ANTXRL: variants seen among roughly 807,000 people sequenced by gnomAD.
ANTXRL encodes ANTXR like.
In ANTXRL, 63 loss-of-function variants were observed where a neutral mutation model predicts 75.4. The ratio of observed to expected loss-of-function variants is 0.84; its 90% CI spans 0.68 to 1.03. ANTXRL has a LOEUF of 1.03. Among genes scored for constraint, ANTXRL ranks in the 50% least tolerant of loss-of-function variants. The probability of loss-of-function intolerance (pLI) is 0.00; values close to 1 mark genes in which losing one functional copy is unlikely to be tolerated. For synonymous variants in ANTXRL, 335 were observed against 291.3 expected (o/e 1.15, Z -1.53); for missense variants, 797 against 789.4 (o/e 1.01, Z -0.12).
At chr10:46,300,355 C>A (rs181787361) in intron 9 of ANTXRL, among the ~76,000 whole-genome samples, 83 of 152,234 alleles carry the variant, frequency 5.5e-4, no homozygotes, top group African/African-American at 1.9e-3. Context: ...CCAGGGAGCC[C>A]AGGAAGGAGG....
At chr10:46,302,379 C>T (rs1410965844) in intron 9 of ANTXRL, among the ~76,000 whole-genome samples, 3 of 152,154 alleles carry the variant, frequency 2.0e-5, no homozygotes, top group Non-Finnish European at 4.4e-5. Context: ...GCACGGCCTG[C>T]ACACCTGGGG....
At chr10:46,316,235 C>T (rs532988297) in intron 16 of ANTXRL, among the ~76,000 whole-genome samples, 2 of 152,190 alleles carry the variant, frequency 1.3e-5, no homozygotes, top group East Asian at 3.9e-4. Context: ...GCAGGAGGCC[C>T]TTTAGAAACT....
At chr10:46,301,017 GA>G (rs5784717) in intron 9 of ANTXRL, among the ~76,000 whole-genome samples, 48,558 of 145,120 alleles carry the variant, frequency 0.33, 8,006 homozygotes, top group African/African-American at 0.49. Flanking sequence ...CATCCACCTT[GA>G]AAAAAAAAAA....
At chr10:46,320,951 G>T (rs782370671) in intron 16 of ANTXRL, among the ~76,000 whole-genome samples, 21 of 152,128 alleles carry the variant, frequency 1.4e-4, no homozygotes, top group Non-Finnish European at 1.5e-4. Flanking sequence ...ACCTTTTGCA[G>T]GTATCACTTG....
At chr10:46,323,074 A>G (rs1183682183) in intron 16 of ANTXRL, among the ~76,000 whole-genome samples, 1 of 152,152 alleles carries the variant, frequency 6.6e-6, no homozygotes, top group Non-Finnish European at 1.5e-5. Flanking sequence ...TAAATGCCAA[A>G]ATTGTGTACT....
chr10:46,293,986 T>G (rs1837214862), intron 3 of ANTXRL, 86 bp downstream of exon 3: 2 of 1,315,668 alleles, frequency 1.5e-6, no homozygotes, highest in African/African-American at 3.0e-5. Flanking sequence ...CCGGAGACCT[T>G]GGTTGGGAGC....
At chr10:46,301,047 T>C (rs1837706697) in intron 9 of ANTXRL, among the ~76,000 whole-genome samples, 2 of 148,016 alleles carry the variant, frequency 1.4e-5, no homozygotes. Flanking sequence ...TTGCAATACA[T>C]AGTCCTAACA....
At chr10:46,296,735 C>A (rs35301555) in intron 5 of ANTXRL, among the ~76,000 whole-genome samples, 2 of 152,042 alleles carry the variant, frequency 1.3e-5, no homozygotes, top group African/African-American at 4.8e-5. Context: ...GTTGAGGTGG[C>A]TGTGGGGTCC....
intron 10 of ANTXRL, among the ~76,000 whole-genome samples, chr10:46,303,214 G>A (rs1837863797): frequency 6.6e-6 from 1 of 152,160 alleles, no homozygotes; most frequent in South Asian, 2.1e-4. Context: ...AGCCTGAATG[G>A]CCAGGTGCAC....
At chr10:46,303,000 C>A (rs1837848564) in intron 10 of ANTXRL, among the ~76,000 whole-genome samples, 180 bp downstream of exon 10, 1 of 152,066 alleles carries the variant, frequency 6.6e-6, no homozygotes, top group African/African-American at 2.4e-5. Flanking sequence ...CCTTCATCTG[C>A]CAAGTGGGGA....
intron 2 of ANTXRL, among the ~76,000 whole-genome samples, chr10:46,293,606 T>C (rs1554957530): frequency 1.3e-5 from 2 of 151,888 alleles, no homozygotes; most frequent in African/African-American, 4.8e-5. Context: ...TTTGGGGTGT[T>C]GGGAGTGTGG....
At chr10:46,319,047 A>G (rs73292925) in intron 16 of ANTXRL, among the ~76,000 whole-genome samples, 7,363 of 152,198 alleles carry the variant, frequency 0.048, 608 homozygotes, top group African/African-American at 0.17. Flanking sequence ...GTGAATGGCC[A>G]AGGCTCAGCT....
intron 1 of ANTXRL, among the ~76,000 whole-genome samples, chr10:46,289,680 G>T (rs1350880251): frequency 6.6e-6 from 1 of 152,140 alleles, no homozygotes; most frequent in Non-Finnish European, 1.5e-5. Context: ...TGTGTGTCAA[G>T]ATTACACCAC....
rs797042427 is a variant in ANTXRL, at chr10:46,313,431, C to T, written c.1410+115C>T. ...CATGTCAGGCATCTGCAAAAGAGGA[C>T]GGCACAAGACACACAGAAACGGTGC... On this transcript the variant is annotated intron_variant, in intron 16 of 16. Coordinates refer to ENST00000620264, the MANE Select transcript of ANTXRL (RefSeq NM_001278688.3). The T allele has an allele frequency of 3.7e-5, 40 of 1,069,912 alleles. 1 individual carries two copies. The highest frequency in any genetic ancestry group is 2.0e-4 in the South Asian group (15 of 74,154). 66.3% of individuals were successfully genotyped at this position (1,069,912 alleles called of 1,614,324 possible). A position where few individuals can be genotyped will look rare whatever the true frequency, so the allele number is the denominator to read the frequency against.
rs548438244 is a variant in ANTXRL at position 46,308,646 on chromosome 10, C to A, written c.1045-467C>A. 83 of 347,756 alleles carry A rather than the reference C, an allele frequency of 2.4e-4. 3 individuals are homozygous for A. Among genetic ancestry groups the A allele is most frequent in the South Asian group, 1.8e-3 (82 of 45,806 alleles). 21.5% of individuals were successfully genotyped at this position (347,756 alleles called of 1,614,324 possible). ...ACCTCACAAGTGCCCCCAGGGAGGGCGGCTCATTCCCTTTGCACAGGTGTG... is the reference window on the plus strand; with the variant it reads ...ACCTCACAAGTGCCCCCAGGGAGGGAGGCTCATTCCCTTTGCACAGGTGTG... On this transcript the variant is annotated intron_variant, in intron 12 of 16. Coordinates refer to ENST00000620264, the MANE Select transcript of ANTXRL (RefSeq NM_001278688.3).
chr10:46,328,146 G>C (rs1275926736), intron 16 of ANTXRL, among the ~76,000 whole-genome samples: 1 of 152,160 alleles, frequency 6.6e-6, no homozygotes, highest in African/African-American at 2.4e-5. Context: ...AAGCAGGGTG[G>C]TCACTTTAGC....
intron 16 of ANTXRL, among the ~76,000 whole-genome samples, chr10:46,321,078 T>G (rs1838956143): frequency 6.6e-6 from 1 of 152,208 alleles, no homozygotes; most frequent in South Asian, 2.1e-4. Flanking sequence ...AGGACAACTT[T>G]CCACTCATCC....
At chr10:46,289,093 AT>A (rs1836878635) in intron 1 of ANTXRL, among the ~76,000 whole-genome samples, 1 of 152,154 alleles carries the variant, frequency 6.6e-6, no homozygotes, top group African/African-American at 2.4e-5. Flanking sequence ...ACTTGCGGTA[AT>A]CCTCCAGGCA....
In ANTXRL at chr10:46,293,847, C is replaced by T; in HGVS notation, c.339C>T (p.Cys113=). The change falls in exon 3 of 17, where the codon TGC becomes TGT. Residue 113 remains cysteine (C), a synonymous_variant. Coordinates refer to ENST00000620264, the MANE Select transcript of ANTXRL (RefSeq NM_001278688.3). Reference sequence around the variant, plus strand: ...TTCACAGCCCAAATATTCGGATGTGCTTCATCACCTACTCCACAGACGGCC... The same window carrying T: ...TTCACAGCCCAAATATTCGGATGTGTTTCATCACCTACTCCACAGACGGCC... ...ARFQSPNIRM[C]FITYSTDGQT... The T allele has an allele frequency of 6.5e-7, 1 of 1,535,690 alleles. No individual in the cohort carries two copies. The highest frequency in any genetic ancestry group is 1.2e-5 in the South Asian group (1 of 84,052).
Sources: allele counts gnomAD v4.1 joint callset (sites outside exome capture counted in the v4.1 genomes callset), GRCh38; gene constraint gnomAD v4.1.1; transcripts MANE v1.5; gene names NCBI Gene and HGNC (gene_info 2026-07-23, HGNC 2026-07-21).